Variants in DMD observed in about 807,000 individuals in gnomAD.
DMD encodes the protein dystrophin.
DMD carries 63 observed loss-of-function variants against 330.1 expected under a neutral mutation model. The ratio of observed to expected loss-of-function variants is 0.19; its 90% CI spans 0.16 to 0.24. DMD has a LOEUF of 0.24. Ranked by LOEUF, DMD falls within the 10% of genes least tolerant of loss-of-function variation. The pLI, the probability that DMD is intolerant of heterozygous loss-of-function variation, is 1.00. For missense variants in DMD, 3,344 were observed against 2,684.1 expected, an observed-to-expected ratio of 1.25 and a Z score of -5.43; for synonymous variants, 1,223 against 959.8, an observed-to-expected ratio of 1.27 and a Z score of -5.07.
At chrX:32,468,437 G>A in intron 23 of DMD, 61 bp downstream of exon 23, 1 of 992,236 alleles carries the variant, frequency 1.0e-6, no homozygotes, top group Non-Finnish European at 1.4e-6. Context: ...AGTTTACAGT[G>A]TATCGTTAGG....
At position 33,135,684 on chromosome X, in the gene DMD, C is replaced by T. The variant is rs958977212; in HGVS notation, c.31+75598G>A. On this transcript the variant is annotated intron_variant, in intron 1 of 78. Coordinates refer to ENST00000357033, the MANE Select transcript of DMD (RefSeq NM_004006.3). Reference sequence around the variant, plus strand: ...AGCCTGAATGCCTGGTTTAGAATTCCGGCTCCATTTTATAATGGCATTGTG... The same window carrying T: ...AGCCTGAATGCCTGGTTTAGAATTCTGGCTCCATTTTATAATGGCATTGTG... Among the ~76,000 whole-genome samples, 6 of 111,721 alleles carry T rather than the reference C, an allele frequency of 5.4e-5. No homozygotes were observed. In the East Asian group the frequency reaches 1.1e-3, roughly 21 times the overall value.
intron 1 of DMD, among the ~76,000 whole-genome samples, chrX:33,269,507 A>G (rs1366939102): frequency 1.8e-5 from 2 of 110,959 alleles, no homozygotes; most frequent in Non-Finnish European, 3.8e-5. Context: ...TCTGGGTGCA[A>G]TATACCGTTT....
At chrX:32,632,269 C>G (rs747928375) in intron 11 of DMD, among the ~76,000 whole-genome samples, 1 of 111,775 alleles carries the variant, frequency 8.9e-6, no homozygotes, top group Admixed American at 9.4e-5. Context: ...TGGTGTGCTC[C>G]CAAGGCCTTG....
At chrX:31,881,924 C>A (rs1230990675) in intron 47 of DMD, among the ~76,000 whole-genome samples, 2 of 112,201 alleles carry the variant, frequency 1.8e-5, no homozygotes, top group African/African-American at 6.5e-5. Flanking sequence ...AGCTTCTACC[C>A]TGGAAACTAC....
intron 52 of DMD, among the ~76,000 whole-genome samples, chrX:31,726,159 T>A (rs1249565851): frequency 8.9e-6 from 1 of 112,534 alleles, no homozygotes; most frequent in Non-Finnish European, 1.9e-5. Context: ...CCTAGATTAT[T>A]ACTGCATGAT....
chrX:32,129,121 ACTGTATCTT>A (rs2096675603), intron 44 of DMD, among the ~76,000 whole-genome samples: 1 of 111,485 alleles, frequency 9.0e-6, no homozygotes, highest in Non-Finnish European at 1.9e-5. Flanking sequence ...AAAAATGTAT[ACTGTATCTT>A]TCAGATTAAT....
Position 32,187,230 on chromosome X carries a change from C to T in DMD, c.6438+29686G>A, listed in dbSNP as rs1404884386. Among the ~76,000 whole-genome samples the T allele has an allele frequency of 3.6e-5, 4 of 110,606 alleles. No homozygotes were observed. The East Asian group carries it at 1.1e-3, about 31-fold the overall frequency. ...TATCATCTCTTTTTCTAAAATAAAT[C>T]ATTTCTGATTGAGCATCTTTTACAG... On this transcript the variant is annotated intron_variant, in intron 44 of 78. Transcript: ENST00000357033.
At position 32,346,037 on chromosome X, in the gene DMD, C is replaced by A; in HGVS notation, c.5492G>T (p.Gly1831Val). 8.3e-7 allele frequency: 1 copy of A among 1,209,144 alleles called. No individual in the cohort carries two copies. Among genetic ancestry groups the A allele is most frequent in the Non-Finnish European group, 1.1e-6 (1 of 893,797 alleles). The change falls in exon 39 of 79, where the codon GGA becomes GTA. Residue 1831 changes from glycine (G) to valine (V), a missense_variant. Gly to Val is a moderately radical substitution (Grantham distance 109, BLOSUM62 -3). Transcript: ENST00000357033. ...EGTVKELLQRGDNLQQRITDE... is the reference protein window; with the variant it reads ...EGTVKELLQRVDNLQQRITDE... ...TGTGATTCTTTGTTGTAAGTTGTCT[C>A]CTCTTTGCAACAATTCTTTTACAGT...
chrX:32,969,428 A>G (rs1195140479), intron 2 of DMD, among the ~76,000 whole-genome samples: 1 of 93,316 alleles, frequency 1.1e-5, no homozygotes, highest in African/African-American at 4.9e-5. Context: ...ACATACATAG[A>G]TAAAATATGC....
At chrX:32,651,138 C>CT (rs200620583) in intron 9 of DMD, among the ~76,000 whole-genome samples, 1,447 of 103,640 alleles carry the variant, frequency 0.014, 14 homozygotes, top group African/African-American at 0.039. Flanking sequence ...TATAATATAA[C>CT]TTTTTTTTTT....
At chrX:32,392,327 T>A (rs1049112573) in intron 30 of DMD, among the ~76,000 whole-genome samples, 9 of 111,776 alleles carry the variant, frequency 8.1e-5, no homozygotes, top group African/African-American at 2.9e-4. Flanking sequence ...AGCACGATCT[T>A]GGCTCACTGC....
chrX:32,868,827 C>T (rs2082723651), intron 2 of DMD, among the ~76,000 whole-genome samples: 1 of 112,289 alleles, frequency 8.9e-6, no homozygotes, highest in Non-Finnish European at 1.9e-5. Context: ...ACCCTGCTGG[C>T]TCTAAAGAAT....
chrX:31,874,690 G>A (rs73619012), intron 48 of DMD, among the ~76,000 whole-genome samples: 1 of 110,604 alleles, frequency 9.0e-6, no homozygotes, highest in African/African-American at 3.3e-5. Context: ...CTGAACCTTC[G>A]CCTGGGCTCA....
rs773714552 is a variant in DMD, at chrX:31,352,581, G to A, written c.9085-3947C>T. Reference sequence around the variant, plus strand: ...AATTTTGCCTTCTTATACAAGGAGCGCTCCAGTGGTAGTTTCCAGTGTACA... The same window carrying A: ...AATTTTGCCTTCTTATACAAGGAGCACTCCAGTGGTAGTTTCCAGTGTACA... On this transcript the variant is annotated intron_variant, in intron 60 of 78. Coordinates refer to ENST00000357033, the MANE Select transcript of DMD (RefSeq NM_004006.3). Among the ~76,000 whole-genome samples the A allele has an allele frequency of 3.6e-5, 4 of 111,858 alleles. No homozygotes were observed. The East Asian group carries it at 8.4e-4, about 24-fold the overall frequency.
chrX:32,636,145 C>A (rs935657778), intron 11 of DMD, among the ~76,000 whole-genome samples: 1 of 111,993 alleles, frequency 8.9e-6, no homozygotes, highest in Non-Finnish European at 1.9e-5. Flanking sequence ...TTTTATCCCC[C>A]TAAAACTAAT....
At chrX:32,518,720 G>A (rs1006154863) in intron 17 of DMD, among the ~76,000 whole-genome samples, 2 of 110,761 alleles carry the variant, frequency 1.8e-5, no homozygotes, top group Admixed American at 9.7e-5. Context: ...CATGTTTTAA[G>A]GAAACTTGAT....
intron 41 of DMD, among the ~76,000 whole-genome samples, chrX:32,332,608 A>G (rs1452165913): frequency 9.0e-6 from 1 of 110,899 alleles, no homozygotes; most frequent in Non-Finnish European, 1.9e-5. Context: ...AAGCAGCAGC[A>G]AAGGGGTCAA....
intron 7 of DMD, among the ~76,000 whole-genome samples, chrX:32,728,244 G>A (rs923944642): frequency 1.8e-5 from 2 of 111,622 alleles, no homozygotes; most frequent in Non-Finnish European, 3.8e-5. Flanking sequence ...TAGGAAGCTT[G>A]CCAGACACTC....
At chrX:33,025,874 T>A (rs2093986416) in intron 1 of DMD, among the ~76,000 whole-genome samples, 1 of 111,979 alleles carries the variant, frequency 8.9e-6, no homozygotes, top group South Asian at 3.7e-4. Context: ...AAACATTTTT[T>A]AAATGATATT....
Sources: allele counts gnomAD v4.1 joint callset (sites outside exome capture counted in the v4.1 genomes callset), GRCh38; gene constraint gnomAD v4.1.1; transcripts MANE v1.5; gene names NCBI Gene and HGNC (gene_info 2026-07-23, HGNC 2026-07-21).